The following REDIC1 variants were observed in gnomAD, a reference collection of about 807,000 sequenced individuals.
REDIC1 encodes the protein regulator of DNA class I crossover intermediates 1.
At chr12:39,905,650 C>T in the REDIC1 span, among the ~76,000 whole-genome samples, 1 of 151,908 alleles carries the variant, frequency 6.6e-6, no homozygotes, top group Admixed American at 6.6e-5. Context: ...GGATGCTATC[C>T]TTTAAGACAT....
the REDIC1 span, chr12:39,716,758 C>G: frequency 6.3e-7 from 1 of 1,596,958 alleles, no homozygotes; most frequent in Non-Finnish European, 8.5e-7. Flanking sequence ...ATTTTCAGCT[C>G]TTGATTCTGC....
chr12:39,851,548 C>A, the REDIC1 span, among the ~76,000 whole-genome samples: 35 of 152,202 alleles, frequency 2.3e-4, no homozygotes, highest in African/African-American at 6.7e-4. Flanking sequence ...AATGTTTGGT[C>A]TAGGCTAAAA....
At chr12:39,830,970 T>A in the REDIC1 span, among the ~76,000 whole-genome samples, 1 of 152,082 alleles carries the variant, frequency 6.6e-6, no homozygotes, top group Non-Finnish European at 1.5e-5. Flanking sequence ...GCAGAAAAAA[T>A]TTAAAGAAGC....
At chr12:39,754,178 T>C in the REDIC1 span, 5 of 152,120 alleles carry the variant, frequency 3.3e-5, no homozygotes, top group Non-Finnish European at 7.4e-5. Flanking sequence ...CTTTCTAGTG[T>C]GATCTTGGGC....
chr12:39,659,275 G>T, the REDIC1 span, among the ~76,000 whole-genome samples: 1 of 151,832 alleles, frequency 6.6e-6, no homozygotes, highest in Non-Finnish European at 1.5e-5. Context: ...CTTTGATTAA[G>T]ATATTAATTT....
chr12:39,901,645 C>G, the REDIC1 span, among the ~76,000 whole-genome samples: 1 of 126,434 alleles, frequency 7.9e-6, no homozygotes, highest in Non-Finnish European at 1.7e-5. Flanking sequence ...CAATGAGATA[C>G]CATCTCACAC....
chr12:39,652,173 A>T, the REDIC1 span, among the ~76,000 whole-genome samples: 2 of 152,022 alleles, frequency 1.3e-5, no homozygotes, highest in African/African-American at 4.8e-5. Flanking sequence ...GTTTCCCCCG[A>T]GTTTTTGCCT....
the REDIC1 span, among the ~76,000 whole-genome samples, chr12:39,750,837 G>A: frequency 6.6e-6 from 1 of 152,178 alleles, no homozygotes; most frequent in African/African-American, 2.4e-5. Context: ...AATAAATGAT[G>A]TGGGGAAAAC....
At chr12:39,813,113 G>A in the REDIC1 span, among the ~76,000 whole-genome samples, 3 of 144,822 alleles carry the variant, frequency 2.1e-5, no homozygotes, top group Non-Finnish European at 4.5e-5. Flanking sequence ...CCAATGTGCT[G>A]GGATTACAGG....
At chr12:39,634,340 A>T in the REDIC1 span, among the ~76,000 whole-genome samples, 1 of 152,052 alleles carries the variant, frequency 6.6e-6, no homozygotes, top group African/African-American at 2.4e-5. Context: ...GGCTGAGACG[A>T]TTGGGTTTTC....
the REDIC1 span, among the ~76,000 whole-genome samples, chr12:39,649,685 G>T: frequency 6.7e-6 from 1 of 149,950 alleles, no homozygotes; most frequent in Non-Finnish European, 1.5e-5. Flanking sequence ...AATTATTGTT[G>T]AATAGATTAG....
the REDIC1 span, among the ~76,000 whole-genome samples, chr12:39,635,916 A>C: frequency 1.3e-5 from 2 of 152,150 alleles, no homozygotes; most frequent in African/African-American, 4.8e-5. Context: ...AATCTTACGA[A>C]GTTTGTACCT....
the REDIC1 span, among the ~76,000 whole-genome samples, chr12:39,686,119 G>A: frequency 1.8e-4 from 28 of 152,302 alleles, no homozygotes; most frequent in Non-Finnish European, 3.1e-4. Context: ...GGTGCAAGCT[G>A]TTGGTGTATC....
the REDIC1 span, chr12:39,720,836 G>T: frequency 1.2e-6 from 2 of 1,612,620 alleles, no homozygotes; most frequent in African/African-American, 1.3e-5. Context: ...GATTCAAATA[G>T]GATGACCATC....
chr12:39,684,838 C>T, the REDIC1 span: 1 of 1,548,310 alleles, frequency 6.5e-7, no homozygotes, highest in South Asian at 1.1e-5. Context: ...ACACAACAAA[C>T]TTTGATACTG....
chr12:39,725,080 CAG>C, the REDIC1 span, among the ~76,000 whole-genome samples: 3 of 151,996 alleles, frequency 2.0e-5, no homozygotes, highest in African/African-American at 7.2e-5. Flanking sequence ...AATAAAATGA[CAG>C]AGCCTCAAAG....
At chr12:39,634,932 A>G in the REDIC1 span, among the ~76,000 whole-genome samples, 1 of 152,140 alleles carries the variant, frequency 6.6e-6, no homozygotes, top group East Asian at 1.9e-4. Flanking sequence ...ACTTAAACAA[A>G]TTTACAAGAA....
At chr12:39,661,758 T>G in the REDIC1 span, among the ~76,000 whole-genome samples, 5 of 152,142 alleles carry the variant, frequency 3.3e-5, no homozygotes, top group Non-Finnish European at 7.4e-5. Context: ...TTCTTCTGTA[T>G]TTTCTTCTAA....
the REDIC1 span, among the ~76,000 whole-genome samples, chr12:39,719,684 A>T: frequency 6.6e-6 from 1 of 152,180 alleles, no homozygotes; most frequent in African/African-American, 2.4e-5. Context: ...TTTGTTAAAC[A>T]GTTCAATTCT....
Sources: gnomAD v4.1 joint callset for allele counts (sites outside exome capture counted in the v4.1 genomes callset) on GRCh38, gnomAD v4.1.1 for gene constraint, MANE v1.5 for transcripts, NCBI Gene and HGNC (gene_info 2026-07-23, HGNC 2026-07-21) for gene names.